The following FCHSD2 variants were observed in gnomAD, a reference collection of about 807,000 sequenced individuals.
FCHSD2 encodes F-BAR and double SH3 domains protein 2.
FCHSD2 carries 38 observed loss-of-function variants against 108.1 expected under a neutral mutation model. The ratio of observed to expected loss-of-function variants is 0.35; its 90% CI spans 0.27 to 0.46. The LOEUF is 0.46. Among genes scored for constraint, FCHSD2 ranks in the 20% least tolerant of loss-of-function variants. FCHSD2 has a pLI of 1.00. For synonymous variants in FCHSD2, 279 were observed against 314.7 expected (o/e 0.89, Z 1.20); for missense variants, 751 against 897.8 (o/e 0.84, Z 2.09).
At chr11:72,961,503 G>A (rs547209700) in intron 8 of FCHSD2, among the ~76,000 whole-genome samples, 41 of 152,090 alleles carry the variant, frequency 2.7e-4, no homozygotes, top group Middle Eastern at 3.4e-3. Flanking sequence ...TGATTCTCCC[G>A]TCTTGGCCTC....
At chr11:72,856,531 C>T (rs960737065) in intron 13 of FCHSD2, among the ~76,000 whole-genome samples, 1 of 152,150 alleles carries the variant, frequency 6.6e-6, no homozygotes, top group African/African-American at 2.4e-5. Context: ...AAAGATTACA[C>T]AGAATTGTGG....
intron 9 of FCHSD2, among the ~76,000 whole-genome samples, chr11:72,911,561 T>C (rs776505761): frequency 6.6e-6 from 1 of 152,220 alleles, no homozygotes; most frequent in Non-Finnish European, 1.5e-5. Context: ...ATTGAATCTG[T>C]AGACTGCTTT....
intron 3 of FCHSD2, among the ~76,000 whole-genome samples, chr11:73,066,015 A>G (rs1194583502): frequency 6.6e-6 from 1 of 152,220 alleles, no homozygotes; most frequent in Admixed American, 6.5e-5. Context: ...TTTAAAGTTC[A>G]TATGGAACCA....
chr11:72,904,114 C>T (rs971511554), intron 9 of FCHSD2, among the ~76,000 whole-genome samples: 5 of 152,164 alleles, frequency 3.3e-5, no homozygotes, highest in African/African-American at 9.6e-5. Flanking sequence ...TAATCCAGGC[C>T]GATGATGGGG....
chr11:73,093,303 T>C (rs890617617), intron 2 of FCHSD2, among the ~76,000 whole-genome samples: 1 of 152,212 alleles, frequency 6.6e-6, no homozygotes, highest in Non-Finnish European at 1.5e-5. Context: ...ATCATAACCT[T>C]ACTGAGTAAA....
At chr11:73,083,792 TG>T in intron 2 of FCHSD2, 52 bp from the exon 3 acceptor site, 1 of 1,160,932 alleles carries the variant, frequency 8.6e-7, no homozygotes, top group Non-Finnish European at 1.3e-6. Flanking sequence ...AATAATTTAA[TG>T]TAAATCTATC....
chr11:73,004,109 CAAAAAAA>C (rs58773322), intron 4 of FCHSD2, among the ~76,000 whole-genome samples: 1 of 43,042 alleles, frequency 2.3e-5, no homozygotes, highest in Non-Finnish European at 3.9e-5. Flanking sequence ...ACTCCAACTC[CAAAAAAA>C]AAAAAAAAAA....
intron 3 of FCHSD2, among the ~76,000 whole-genome samples, chr11:73,028,535 G>C (rs1858282215): frequency 6.6e-6 from 1 of 152,168 alleles, no homozygotes; most frequent in Non-Finnish European, 1.5e-5. Flanking sequence ...TCTCAGATGA[G>C]ACTTTGGCCT....
intron 3 of FCHSD2, among the ~76,000 whole-genome samples, chr11:73,075,587 G>A (rs1859530849): frequency 6.6e-6 from 1 of 152,162 alleles, no homozygotes; most frequent in African/African-American, 2.4e-5. Context: ...AGGCCAAGGA[G>A]GACGGATCAC....
At chr11:72,939,339 G>C (rs1856367083) in intron 8 of FCHSD2, among the ~76,000 whole-genome samples, 1 of 152,118 alleles carries the variant, frequency 6.6e-6, no homozygotes, top group South Asian at 2.1e-4. Flanking sequence ...CGGTAAGATT[G>C]TGGCTGCAAC....
chr11:72,878,564 A>G (rs75841466), intron 12 of FCHSD2, among the ~76,000 whole-genome samples: 3,134 of 152,328 alleles, frequency 0.021, 90 homozygotes, highest in African/African-American at 0.072. Context: ...TACTAGGAAG[A>G]AAGTATTCAA....
intron 9 of FCHSD2, among the ~76,000 whole-genome samples, chr11:72,917,607 C>T (rs755735431): frequency 6.6e-6 from 1 of 152,084 alleles, no homozygotes; most frequent in Non-Finnish European, 1.5e-5. Context: ...AAGACTGGGC[C>T]GAGTGCAGTG....
intron 14 of FCHSD2, among the ~76,000 whole-genome samples, chr11:72,847,735 C>T (rs913019771): frequency 2.7e-5 from 4 of 149,864 alleles, no homozygotes; most frequent in Non-Finnish European, 5.9e-5. Context: ...CTCTGTCACC[C>T]AGGCTGGAGC....
intron 8 of FCHSD2, among the ~76,000 whole-genome samples, chr11:72,982,169 A>G (rs1857227029): frequency 6.6e-6 from 1 of 152,226 alleles, no homozygotes; most frequent in Non-Finnish European, 1.5e-5. Context: ...AAAAGGAAAG[A>G]AAAAACGTTT....
intron 10 of FCHSD2, among the ~76,000 whole-genome samples, chr11:72,902,123 C>A (rs1193933755): frequency 6.6e-6 from 1 of 152,128 alleles, no homozygotes; most frequent in Non-Finnish European, 1.5e-5. Flanking sequence ...CATCCACCTG[C>A]CTCGGCCTCC....
intron 8 of FCHSD2, among the ~76,000 whole-genome samples, chr11:72,939,589 G>A (rs1219937401): frequency 6.8e-6 from 1 of 147,394 alleles, no homozygotes; most frequent in Non-Finnish European, 1.5e-5. Flanking sequence ...TATGAAGACG[G>A]TTGATGGCTC....
At chr11:73,026,148 A>T (rs1858224811) in intron 3 of FCHSD2, among the ~76,000 whole-genome samples, 1 of 151,866 alleles carries the variant, frequency 6.6e-6, no homozygotes, top group South Asian at 2.1e-4. Context: ...TCATTTTTTT[A>T]TTTTGTTTTT....
chr11:73,086,577 C>G (rs1004596895), intron 2 of FCHSD2, among the ~76,000 whole-genome samples: 2 of 151,926 alleles, frequency 1.3e-5, no homozygotes, highest in Non-Finnish European at 2.9e-5. Context: ...AAAAATAACA[C>G]AGAAAATCAA....
intron 8 of FCHSD2, among the ~76,000 whole-genome samples, chr11:72,952,677 T>C (rs1055498810): frequency 1.3e-5 from 2 of 152,242 alleles, no homozygotes; most frequent in African/African-American, 4.8e-5. Flanking sequence ...AGCTTATTGG[T>C]AGAGATGAGA....
Sources: gnomAD v4.1 joint callset for allele counts (sites outside exome capture counted in the v4.1 genomes callset) on GRCh38, gnomAD v4.1.1 for gene constraint, MANE v1.5 for transcripts, NCBI Gene and HGNC (gene_info 2026-07-23, HGNC 2026-07-21) for gene names.